TMC1: variants seen among roughly 807,000 people sequenced by gnomAD.
TMC1 encodes transmembrane channel like 1, also known as transmembrane channel-like protein 1.
A neutral mutation model predicts 105.8 loss-of-function variants in TMC1; 84 were observed. The observed-to-expected ratio is 0.79, with a 90% CI of 0.67 to 0.95. TMC1 has a LOEUF of 0.95. Ranked by LOEUF, TMC1 falls within the 40% of genes least tolerant of loss-of-function variation. TMC1 has a pLI of 0.00. For missense variants in TMC1, 817 were observed against 914.1 expected, an observed-to-expected ratio of 0.89 and a Z score of 1.37; for synonymous variants, 315 against 311.5, an observed-to-expected ratio of 1.01 and a Z score of -0.12.
intron 1 of TMC1, among the ~76,000 whole-genome samples, chr9:72,544,377 C>T (rs993552065): frequency 6.6e-6 from 1 of 152,018 alleles, no homozygotes; most frequent in East Asian, 1.9e-4. Context: ...CATCTTAATT[C>T]TTCAAACACC....
At chr9:72,677,202 G>T (rs1040210206) in intron 5 of TMC1, among the ~76,000 whole-genome samples, 1 of 151,464 alleles carries the variant, frequency 6.6e-6, no homozygotes, top group Non-Finnish European at 1.5e-5. Flanking sequence ...CTCAAAATCT[G>T]CAGGCCAAAG....
chr9:72,603,404 C>T (rs1316312576), intron 2 of TMC1, among the ~76,000 whole-genome samples: 3 of 148,668 alleles, frequency 2.0e-5, no homozygotes, highest in African/African-American at 7.3e-5. Context: ...CACACACACA[C>T]ACACACACAC....
At chr9:72,570,760 C>T (rs1481339633) in intron 1 of TMC1, among the ~76,000 whole-genome samples, 3 of 125,246 alleles carry the variant, frequency 2.4e-5, no homozygotes, top group African/African-American at 9.3e-5. Context: ...GCGATCTCGG[C>T]TTACTGCAAC....
intron 18 of TMC1, among the ~76,000 whole-genome samples, chr9:72,808,305 T>C (rs1368967874): frequency 1.3e-5 from 2 of 152,242 alleles, no homozygotes; most frequent in African/African-American, 2.4e-5. Flanking sequence ...GTAATTGCTG[T>C]TTCTCCCGCA....
intron 1 of TMC1, among the ~76,000 whole-genome samples, chr9:72,535,896 A>C (rs1823574101): frequency 6.6e-6 from 1 of 152,292 alleles, no homozygotes; most frequent in African/African-American, 2.4e-5. Context: ...GACTCTTTCT[A>C]CAGGGAGGGC....
chr9:72,794,096 T>C (rs1044937669), intron 17 of TMC1, among the ~76,000 whole-genome samples: 7 of 151,612 alleles, frequency 4.6e-5, no homozygotes, highest in Non-Finnish European at 7.4e-5. Flanking sequence ...CCCCTCCTTG[T>C]CACCAGACAG....
intron 1 of TMC1, among the ~76,000 whole-genome samples, chr9:72,554,250 A>C (rs1823897075): frequency 6.6e-6 from 1 of 152,124 alleles, no homozygotes; most frequent in African/African-American, 2.4e-5. Context: ...TTCCCACTGA[A>C]ATACTTTTCA....
intron 10 of TMC1, among the ~76,000 whole-genome samples, chr9:72,748,957 T>A (rs1827535740): frequency 6.6e-6 from 1 of 152,238 alleles, no homozygotes; most frequent in South Asian, 2.1e-4. Context: ...TTCATTTTCT[T>A]TACACTTAAG....
chr9:72,584,784 CTTT>C (rs71357591), intron 2 of TMC1, among the ~76,000 whole-genome samples: 10 of 112,990 alleles, frequency 8.9e-5, no homozygotes, highest in Admixed American at 2.0e-4. Flanking sequence ...CTTTTCTTTT[CTTT>C]TTTTTTTTTT....
intron 9 of TMC1, among the ~76,000 whole-genome samples, chr9:72,740,503 T>C (rs900523986): frequency 2.0e-5 from 3 of 152,174 alleles, no homozygotes; most frequent in Non-Finnish European, 4.4e-5. Context: ...TTCATTTTCA[T>C]TCTCTGGAAG....
chr9:72,724,062 T>C (rs1216423154), intron 8 of TMC1, among the ~76,000 whole-genome samples: 3 of 152,336 alleles, frequency 2.0e-5, no homozygotes, highest in Non-Finnish European at 4.4e-5. Flanking sequence ...GGGTCTAAAA[T>C]GATAATATTC....
At chr9:72,772,601 T>C (rs1161912557) in intron 13 of TMC1, 46 bp downstream of exon 13, 1 of 1,611,208 alleles carries the variant, frequency 6.2e-7, no homozygotes. Flanking sequence ...ATTTCTGGAA[T>C]CAAATGGAGG....
At chr9:72,774,467 A>G (rs1243242471) in intron 13 of TMC1, among the ~76,000 whole-genome samples, 8 of 152,168 alleles carry the variant, frequency 5.3e-5, no homozygotes, top group Non-Finnish European at 2.9e-5. Context: ...GTCGCATTTC[A>G]ATTGTTCAGT....
rs748210817 is a variant in TMC1, at chr9:72,567,643, C to G, written c.-427-10259C>G. Among the ~76,000 whole-genome samples, 3 of 152,158 alleles carry G rather than the reference C, an allele frequency of 2.0e-5. No homozygotes were observed. The East Asian group carries it at 5.8e-4, about 29-fold the overall frequency. ...CTCACTCACTATCACAAGAACAGCA[C>G]GGGGGAAACCGCCCCCCATGATCCG... On this transcript the variant is annotated intron_variant, in intron 1 of 23. Transcript: ENST00000297784.
chr9:72,810,764 CTAAT>C (rs1490691697), intron 18 of TMC1, among the ~76,000 whole-genome samples: 4 of 151,978 alleles, frequency 2.6e-5, no homozygotes, highest in Admixed American at 6.6e-5. Context: ...TATAATTAAT[CTAAT>C]TAGTTTTTAA....
At chr9:72,758,729 G>T (rs999516884) in intron 12 of TMC1, among the ~76,000 whole-genome samples, 2 of 152,200 alleles carry the variant, frequency 1.3e-5, no homozygotes, top group Admixed American at 6.5e-5. Flanking sequence ...GGACCTGTAT[G>T]TGTTACCTCA....
At chr9:72,829,253 T>C (rs1829004619) in intron 21 of TMC1, among the ~76,000 whole-genome samples, 1 of 152,220 alleles carries the variant, frequency 6.6e-6, no homozygotes, top group Non-Finnish European at 1.5e-5. Flanking sequence ...CAATGGATTA[T>C]ATTAAATCAA....
chr9:72,799,378 A>G (rs1168199276), intron 17 of TMC1, among the ~76,000 whole-genome samples: 1 of 152,138 alleles, frequency 6.6e-6, no homozygotes, highest in Non-Finnish European at 1.5e-5. Context: ...TAAAATTCAT[A>G]TAATTTAAAC....
chr9:72,766,235 G>A (rs1277079191), intron 12 of TMC1, among the ~76,000 whole-genome samples: 1 of 151,732 alleles, frequency 6.6e-6, no homozygotes, highest in Admixed American at 6.6e-5. Flanking sequence ...GGCTAACATG[G>A]TGAAACCCCG....
Sources: gnomAD v4.1 joint callset for allele counts (sites outside exome capture counted in the v4.1 genomes callset) on GRCh38, gnomAD v4.1.1 for gene constraint, MANE v1.5 for transcripts, NCBI Gene and HGNC (gene_info 2026-07-23, HGNC 2026-07-21) for gene names.